RBMS1: variants seen among roughly 807,000 people sequenced by gnomAD.
The protein encoded by RBMS1 is RNA-binding motif, single-stranded-interacting protein 1.
In RBMS1, 17 loss-of-function variants were observed where a neutral mutation model predicts 62.3. The ratio of observed to expected loss-of-function variants is 0.27; its 90% CI spans 0.19 to 0.41. RBMS1 has a LOEUF of 0.41. Ranked by LOEUF, RBMS1 falls within the 10% of genes least tolerant of loss-of-function variation. The pLI, the probability that RBMS1 is intolerant of heterozygous loss-of-function variation, is 1.00. For missense variants in RBMS1, 334 were observed against 504.5 expected, an observed-to-expected ratio of 0.66 and a Z score of 3.24; for synonymous variants, 172 against 170.0, an observed-to-expected ratio of 1.01 and a Z score of -0.09.
At chr2:160,441,081 GT>G (rs1683391534) in intron 1 of RBMS1, among the ~76,000 whole-genome samples, 1 of 152,206 alleles carries the variant, frequency 6.6e-6, no homozygotes, top group African/African-American at 2.4e-5. Flanking sequence ...TCATAGAGGA[GT>G]TTTGCCAGTA....
intron 1 of RBMS1, among the ~76,000 whole-genome samples, chr2:160,472,636 CAAAT>C (rs910585501): frequency 2.6e-5 from 4 of 152,250 alleles, no homozygotes; most frequent in Admixed American, 6.5e-5. Flanking sequence ...TATTTTCAAA[CAAAT>C]AAAATTCACT....
At chr2:160,438,508 T>C (rs1269912621) in intron 1 of RBMS1, among the ~76,000 whole-genome samples, 1 of 152,114 alleles carries the variant, frequency 6.6e-6, no homozygotes, top group Non-Finnish European at 1.5e-5. Flanking sequence ...AAGCACATCT[T>C]GCACCGCCCT....
At chr2:160,460,648 C>G (rs1684421262) in intron 1 of RBMS1, among the ~76,000 whole-genome samples, 1 of 152,218 alleles carries the variant, frequency 6.6e-6, no homozygotes, top group African/African-American at 2.4e-5. Context: ...CCGCAATTTC[C>G]TCTCTGGCTG....
intron 2 of RBMS1, among the ~76,000 whole-genome samples, chr2:160,336,815 C>T (rs1469667509): frequency 3.9e-5 from 6 of 152,110 alleles, no homozygotes; most frequent in African/African-American, 7.2e-5. Context: ...GTGCTGTGTA[C>T]GCAGATATAG....
At chr2:160,346,942 A>G (rs1275679296) in intron 2 of RBMS1, among the ~76,000 whole-genome samples, 1 of 152,146 alleles carries the variant, frequency 6.6e-6, no homozygotes, top group Non-Finnish European at 1.5e-5. Context: ...AAACTTTGAA[A>G]AGAATGATTA....
At chr2:160,320,548 A>G (rs1690499022) in intron 2 of RBMS1, among the ~76,000 whole-genome samples, 1 of 152,190 alleles carries the variant, frequency 6.6e-6, no homozygotes, top group East Asian at 1.9e-4. Context: ...TGGATCCCTC[A>G]TGAATAGCTT....
chr2:160,350,696 C>T (rs544946507), intron 2 of RBMS1, among the ~76,000 whole-genome samples: 32 of 152,192 alleles, frequency 2.1e-4, no homozygotes, highest in East Asian at 1.9e-3. Flanking sequence ...ATGAAGCAGA[C>T]GGCTGCATAG....
chr2:160,363,224 G>A (rs942107387), intron 2 of RBMS1, among the ~76,000 whole-genome samples: 1 of 152,158 alleles, frequency 6.6e-6, no homozygotes, highest in South Asian at 2.1e-4. Context: ...TGACTACAAC[G>A]CTTTTGTAGT....
chr2:160,377,607 A>C lies in RBMS1; in HGVS notation c.76-10216T>G, dbSNP rs574799463. ...CCTTTGTTCCACTGATTTCAAACCC[A>C]GTATCTGCTCAGAATAACAAAATGC... is the stretch of plus-strand genomic sequence containing the variant. On this transcript the variant is annotated intron_variant, in intron 1 of 13. Coordinates refer to ENST00000348849, the MANE Select transcript of RBMS1 (RefSeq NM_016836.4). 3.3e-5 allele frequency among the ~76,000 whole-genome samples: 5 copies of C among 152,356 alleles called. No homozygotes were observed. The East Asian group carries it at 9.6e-4, about 29-fold the overall frequency.
intron 1 of RBMS1, among the ~76,000 whole-genome samples, chr2:160,436,463 T>C (rs1559547962): frequency 6.6e-6 from 1 of 152,190 alleles, no homozygotes; most frequent in Non-Finnish European, 1.5e-5. Flanking sequence ...ACCCAGATGA[T>C]GACATGTGGA....
In RBMS1 at chr2:160,311,228, C is replaced by CTA. The variant is rs1252861710; in HGVS notation, c.402+1926_402+1927dup. On this transcript the variant is annotated intron_variant, in intron 4 of 13. Coordinates refer to ENST00000348849, the MANE Select transcript of RBMS1 (RefSeq NM_016836.4). ...AAAAAAAATCTATCTATCTATCTAT[C>CTA]TATCTATATATATATATATATATAT... Among the ~76,000 whole-genome samples the CTA allele has an allele frequency of 1.0e-3, 96 of 95,914 alleles. 2 individuals are homozygous for CTA. The highest frequency in any genetic ancestry group is 2.4e-3 in the South Asian group (6 of 2,474). 62.9% of individuals were successfully genotyped at this position (95,914 alleles called of 152,430 possible).
chr2:160,418,991 T>C (rs970608306), intron 1 of RBMS1, among the ~76,000 whole-genome samples: 6 of 152,180 alleles, frequency 3.9e-5, no homozygotes, highest in Non-Finnish European at 7.4e-5. Context: ...ATGTTATTAT[T>C]CTATAAAGTT....
chr2:160,277,443 T>G, intron 11 of RBMS1, 60 bp from the exon 12 acceptor site: 1 of 1,299,500 alleles, frequency 7.7e-7, no homozygotes, highest in Non-Finnish European at 1.1e-6. Flanking sequence ...TTGGAGTACG[T>G]GGGGGGATTG....
chr2:160,416,262 G>A (rs1326058491), intron 1 of RBMS1: 3 of 151,632 alleles, frequency 2.0e-5, no homozygotes, highest in African/African-American at 7.3e-5. Flanking sequence ...AACACTCCCA[G>A]AACGCTGACA....
intron 1 of RBMS1, among the ~76,000 whole-genome samples, chr2:160,372,272 C>T (rs945179849): frequency 3.3e-5 from 5 of 150,416 alleles, no homozygotes; most frequent in Admixed American, 2.0e-4. Flanking sequence ...TAATTTTCTT[C>T]AAGTCTTCTT....
intron 2 of RBMS1, among the ~76,000 whole-genome samples, chr2:160,352,141 T>TA (rs1692550956): frequency 6.6e-6 from 1 of 152,108 alleles, no homozygotes; most frequent in African/African-American, 2.4e-5. Context: ...GAGTATTCAT[T>TA]AGAGTAAAAC....
chr2:160,482,063 C>T (rs1047476576), intron 1 of RBMS1, among the ~76,000 whole-genome samples: 4 of 152,104 alleles, frequency 2.6e-5, no homozygotes, highest in African/African-American at 7.2e-5. Flanking sequence ...TCCAAATGCT[C>T]ATTAATAATA....
At chr2:160,347,101 A>G (rs1052139204) in intron 2 of RBMS1, among the ~76,000 whole-genome samples, 57 of 152,288 alleles carry the variant, frequency 3.7e-4, no homozygotes, top group Admixed American at 2.4e-3. Context: ...AGAAAAATGA[A>G]TGACTTTGAA....
At chr2:160,371,368 G>C (rs905474513) in intron 1 of RBMS1, among the ~76,000 whole-genome samples, 1 of 152,154 alleles carries the variant, frequency 6.6e-6, no homozygotes, top group Non-Finnish European at 1.5e-5. Flanking sequence ...GATGAAGCTT[G>C]CAACTATTTA....
Sources: allele counts gnomAD v4.1 joint callset (sites outside exome capture counted in the v4.1 genomes callset), GRCh38; gene constraint gnomAD v4.1.1; transcripts MANE v1.5; gene names NCBI Gene and HGNC (gene_info 2026-07-23, HGNC 2026-07-21).